Variants in PRORP observed in about 807,000 individuals in gnomAD.
The protein encoded by PRORP is mitochondrial ribonuclease P catalytic subunit.
A neutral mutation model predicts 59.4 loss-of-function variants in PRORP; 51 were observed. That is an observed-to-expected ratio of 0.86 (90% CI 0.69 to 1.08). The LOEUF (loss-of-function observed/expected upper bound fraction) is 1.08, where lower values mean the gene tolerates loss of function less well. Ranked by LOEUF, PRORP falls within the 50% of genes least tolerant of loss-of-function variation. The pLI is 0.00. For synonymous variants in PRORP, 231 were observed against 245.6 expected (o/e 0.94, Z 0.55); for missense variants, 646 against 690.3 (o/e 0.94, Z 0.72).
In PRORP at chr14:35,237,352, C is replaced by A. The variant is rs143741890; in HGVS notation, c.1276-29375C>A. On this transcript the variant is annotated intron_variant, in intron 5 of 7. Coordinates refer to ENST00000534898, the MANE Select transcript of PRORP (RefSeq NM_014672.4). ...AAGCGATCCTCCCACCTAGACCTCC[C>A]AAAGTGCTGGGGTTACAGGCATCAA... Among the ~76,000 whole-genome samples the A allele has an allele frequency of 2.6e-3, 395 of 152,168 alleles. 3 individuals carry two copies. The highest frequency in any genetic ancestry group is 8.1e-3 in the African/African-American group (338 of 41,526).
chr14:35,162,485 C>T (rs563545611), intron 4 of PRORP, among the ~76,000 whole-genome samples: 6 of 152,098 alleles, frequency 3.9e-5, no homozygotes, highest in African/African-American at 9.6e-5. Context: ...TTAAGAGGCA[C>T]TTATATTTAT....
At chr14:35,132,290 T>G (rs893468758) in intron 4 of PRORP, among the ~76,000 whole-genome samples, 1 of 149,372 alleles carries the variant, frequency 6.7e-6, no homozygotes, top group Non-Finnish European at 1.5e-5. Context: ...AAACCCCGTC[T>G]CTACAAAATA....
At chr14:35,212,950 C>T (rs1322270380) in intron 5 of PRORP, among the ~76,000 whole-genome samples, 2 of 152,220 alleles carry the variant, frequency 1.3e-5, no homozygotes, top group Non-Finnish European at 2.9e-5. Flanking sequence ...TTAGCTAGGT[C>T]TTCGGAATAA....
chr14:35,256,651 T>C (rs1353789651), intron 5 of PRORP, among the ~76,000 whole-genome samples: 1 of 151,754 alleles, frequency 6.6e-6, no homozygotes, highest in Non-Finnish European at 1.5e-5. Flanking sequence ...TTTTAAAGCA[T>C]TCTTATATTT....
chr14:35,162,892 C>T (rs2048096362), intron 4 of PRORP, among the ~76,000 whole-genome samples: 1 of 152,102 alleles, frequency 6.6e-6, no homozygotes. Flanking sequence ...CCATATTTTA[C>T]CCCACTAGGG....
intron 5 of PRORP, among the ~76,000 whole-genome samples, chr14:35,249,880 A>T (rs2050571650): frequency 6.6e-6 from 1 of 152,162 alleles, no homozygotes; most frequent in East Asian, 1.9e-4. Flanking sequence ...AGCTATGTGA[A>T]TGTGTAAAGA....
intron 5 of PRORP, among the ~76,000 whole-genome samples, chr14:35,250,362 A>T (rs2050585767): frequency 6.6e-6 from 1 of 152,204 alleles, no homozygotes; most frequent in African/African-American, 2.4e-5. Flanking sequence ...AACAGTTTCT[A>T]CTTTAATCAG....
At chr14:35,159,752 G>A (rs775807711) in intron 4 of PRORP, among the ~76,000 whole-genome samples, 1 of 152,118 alleles carries the variant, frequency 6.6e-6, no homozygotes, top group Non-Finnish European at 1.5e-5. Flanking sequence ...TGACAAATGA[G>A]GAAACTGAGG....
chr14:35,195,451 ACT>A (rs1225412062), intron 5 of PRORP, among the ~76,000 whole-genome samples: 1 of 152,134 alleles, frequency 6.6e-6, no homozygotes, highest in African/African-American at 2.4e-5. Context: ...AAAAAAAATT[ACT>A]GTGTGTGTTT....
chr14:35,122,769 T>C (rs1165720983), intron 1 of PRORP, 134 bp downstream of exon 1: 1 of 168,902 alleles, frequency 5.9e-6, no homozygotes, highest in Non-Finnish European at 1.3e-5. Context: ...CTATGCAGGG[T>C]GAGGGCCCCT....
At chr14:35,183,414 CATTCTTGATAAAT>C (rs2048668036) in intron 5 of PRORP, among the ~76,000 whole-genome samples, 4 of 152,014 alleles carry the variant, frequency 2.6e-5, no homozygotes, top group Non-Finnish European at 5.9e-5. Context: ...AGTTAAAAAG[CATTCTTGATAAAT>C]ATTTTAAAAT....
At chr14:35,197,202 AG>A (rs2049030005) in intron 5 of PRORP, among the ~76,000 whole-genome samples, 1 of 152,152 alleles carries the variant, frequency 6.6e-6, no homozygotes, top group African/African-American at 2.4e-5. Flanking sequence ...ATAACCATTT[AG>A]GGTGTGGTGA....
chr14:35,143,323 G>T (rs112143631), intron 4 of PRORP, among the ~76,000 whole-genome samples: 1,988 of 144,000 alleles, frequency 0.014, 131 homozygotes, highest in African/African-American at 0.042. Context: ...CACCACACCC[G>T]GCTAATTTTT....
intron 4 of PRORP, among the ~76,000 whole-genome samples, chr14:35,127,823 A>G (rs1456323459): frequency 6.6e-6 from 1 of 152,282 alleles, no homozygotes; most frequent in East Asian, 1.9e-4. Context: ...ATTCATGAAA[A>G]CAAGCAGTAG....
intron 4 of PRORP, chr14:35,158,209 TAGTA>T (rs568549841): frequency 1.1e-5 from 3 of 265,998 alleles, no homozygotes; most frequent in African/African-American, 6.7e-5. Context: ...AGAAGGCTCT[TAGTA>T]AGCCCTTATT....
chr14:35,235,742 T>TC (rs2050194189), intron 5 of PRORP: 1 of 236,098 alleles, frequency 4.2e-6, no homozygotes, highest in African/African-American at 2.3e-5. Flanking sequence ...ATTTAATTCT[T>TC]ACAGCTGTTA....
At chr14:35,125,200 T>G (rs1485437924) in intron 2 of PRORP, among the ~76,000 whole-genome samples, 2 of 152,130 alleles carry the variant, frequency 1.3e-5, no homozygotes, top group Non-Finnish European at 2.9e-5. Flanking sequence ...CTTGGATGAT[T>G]AGAGTGGACA....
intron 4 of PRORP, among the ~76,000 whole-genome samples, chr14:35,128,907 G>T (rs1164503661): frequency 1.3e-5 from 2 of 151,752 alleles, no homozygotes; most frequent in Non-Finnish European, 1.5e-5. Context: ...TCTTTAAGAC[G>T]CATATTTGGC....
chr14:35,173,901 G>A (rs766627819), intron 4 of PRORP, among the ~76,000 whole-genome samples: 3 of 151,922 alleles, frequency 2.0e-5, no homozygotes, highest in South Asian at 4.2e-4. Flanking sequence ...CAGTCTCATC[G>A]GTGTGGTGAT....
Sources: allele counts gnomAD v4.1 joint callset (sites outside exome capture counted in the v4.1 genomes callset), GRCh38; gene constraint gnomAD v4.1.1; transcripts MANE v1.5; gene names NCBI Gene and HGNC (gene_info 2026-07-23, HGNC 2026-07-21).